DNAI1: variants seen among roughly 807,000 people sequenced by gnomAD.
DNAI1 encodes the protein dynein, axonemal, intermediate polypeptide 1.
In DNAI1, 67 loss-of-function variants were observed where a neutral mutation model predicts 92.0. The ratio of observed to expected loss-of-function variants is 0.73; its 90% CI spans 0.60 to 0.89. DNAI1 has a LOEUF of 0.89. Ranked by LOEUF, DNAI1 falls within the 40% of genes least tolerant of loss-of-function variation. The probability of loss-of-function intolerance (pLI) is 0.00; values close to 1 mark genes in which losing one functional copy is unlikely to be tolerated. For missense variants in DNAI1, 839 were observed against 866.6 expected (o/e 0.97, Z 0.40); for synonymous variants, 323 against 319.6 (o/e 1.01, Z -0.11).
intron 1 of DNAI1, among the ~76,000 whole-genome samples, chr9:34,468,636 G>A (rs1824083704): frequency 6.6e-6 from 1 of 151,702 alleles, no homozygotes; most frequent in South Asian, 2.1e-4. Flanking sequence ...GACCAACCTG[G>A]GCAACATAAA....
chr9:34,467,194 T>A (rs1824054296), intron 1 of DNAI1, among the ~76,000 whole-genome samples: 1 of 152,206 alleles, frequency 6.6e-6, no homozygotes, highest in South Asian at 2.1e-4. Flanking sequence ...TTTCTTCTAG[T>A]CCAATGCTTT....
In DNAI1 at chr9:34,517,364, C is replaced by A. The variant is rs1327893131; in HGVS notation, c.1898C>A (p.Thr633Asn). The change falls in exon 19 of 20, where the codon ACC becomes AAC. Residue 633 changes from threonine (T) to asparagine (N), a missense_variant. By Grantham distance (65) the Thr-to-Asn change is moderately conservative. Coordinates refer to ENST00000242317, the MANE Select transcript of DNAI1 (RefSeq NM_012144.4). The part of the protein sequence containing the change: ...QPVAAKKNRL[T>N]HVQFNLIHPI... Reference sequence around the variant, plus strand: ...GTGGCGGCCAAAAAGAACAGGCTCACCCACGTGCAGTTCAATCTCATCCAC... The same window carrying A: ...GTGGCGGCCAAAAAGAACAGGCTCAACCACGTGCAGTTCAATCTCATCCAC... The A allele has an allele frequency of 6.2e-7, 1 of 1,614,060 alleles. No individual in the cohort carries two copies. Among genetic ancestry groups the A allele is most frequent in the African/African-American group, 1.3e-5 (1 of 74,916 alleles).
At chr9:34,488,160 T>C (rs1437229168) in intron 4 of DNAI1, 1 of 261,656 alleles carries the variant, frequency 3.8e-6, no homozygotes, top group South Asian at 3.4e-5. Flanking sequence ...TTATTATTTT[T>C]AATACTTATA....
chr9:34,517,444 C>T lies in DNAI1; in HGVS notation c.1978C>T (p.Pro660Ser). 2 of 1,614,206 alleles carry T rather than the reference C, an allele frequency of 1.2e-6. No homozygotes were observed. The highest frequency in any genetic ancestry group is 2.2e-5 in the South Asian group (2 of 91,084). Reference protein sequence around the residue: ...RGHIISLKLSPNLRKMPKEKK... With the variant: ...RGHIISLKLSSNLRKMPKEKK... ...GCACATCATCAGCCTCAAGCTCTCA[C>T]CCAATTTGCGCAAGATGCCAAAGGT... Residue 660 changes from proline to serine, a missense_variant, in exon 19 of 20, where the codon CCC becomes TCC. Physicochemically the swap from Pro to Ser is moderately conservative, Grantham distance 74. Transcript: ENST00000242317.
chr9:34,511,083 C>T (rs537482816), intron 13 of DNAI1, among the ~76,000 whole-genome samples: 159 of 152,352 alleles, frequency 1.0e-3, no homozygotes, highest in Non-Finnish European at 1.9e-3. Flanking sequence ...CTTGGCCTCC[C>T]TCACTGGTCC....
chr9:34,488,149 TTTA>T (rs1289166166), intron 4 of DNAI1: 4 of 281,410 alleles, frequency 1.4e-5, no homozygotes, highest in South Asian at 3.0e-5. Flanking sequence ...ATAGGTTGTT[TTTA>T]TTATTTTTAA....
At chr9:34,476,422 T>G (rs1464676504) in intron 1 of DNAI1, among the ~76,000 whole-genome samples, 1 of 152,208 alleles carries the variant, frequency 6.6e-6, no homozygotes, top group Non-Finnish European at 1.5e-5. Context: ...TCCTCAAGTG[T>G]TCCAGGACAG....
Position 34,484,977 on chromosome 9 carries a change from A to G in DNAI1, c.82-165A>G, listed in dbSNP as rs1196583663. The stretch of plus-strand genomic sequence containing the variant: ...TCCAGGCAATGAGAACTCTGGCCTG[A>G]GCAGTTCTTTTGGACTCTTTCATGA... On this transcript the variant is annotated intron_variant, in intron 2 of 19. Coordinates refer to ENST00000242317, the MANE Select transcript of DNAI1 (RefSeq NM_012144.4). The G allele has an allele frequency of 2.6e-5, 18 of 686,924 alleles. No homozygotes were observed. In the Admixed American group the frequency reaches 3.9e-4, roughly 15 times the overall value. The allele number at this position is 686,924 out of a possible 1,614,324, so 42.6% of individuals were successfully genotyped here.
intron 7 of DNAI1, 107 bp from the exon 8 acceptor site, chr9:34,491,388 A>G (rs1824587715): frequency 8.4e-7 from 1 of 1,191,532 alleles, no homozygotes; most frequent in African/African-American, 1.5e-5. Context: ...CTGTGTCCCA[A>G]ACCTCCATCA....
At chr9:34,497,801 G>T (rs1293823122) in intron 10 of DNAI1, among the ~76,000 whole-genome samples, 1 of 152,174 alleles carries the variant, frequency 6.6e-6, no homozygotes, top group Non-Finnish European at 1.5e-5. Context: ...CAGGGAGGAT[G>T]TTCTGGACAG....
In DNAI1 at chr9:34,458,821, C is replaced by T; in HGVS notation, c.-185C>T. On this transcript the variant is annotated 5_prime_UTR_variant, in exon 1 of 20. Transcript: ENST00000242317. The surrounding 1 kb of genome is among the most constrained non-coding windows in gnomAD (Gnocchi z 6.6). ...CTGCTGGTCGGTTGCTGGGTAACCG[C>T]GTCAGGGAGTTGGATTCTATCCTGC... The T allele has an allele frequency of 1.5e-6, 1 of 662,388 alleles. No individual in the cohort carries two copies. Among genetic ancestry groups the T allele is most frequent in the Non-Finnish European group, 2.8e-6 (1 of 361,042 alleles). 41.0% of individuals were successfully genotyped at this position (662,388 alleles called of 1,614,324 possible).
At chr9:34,472,124 A>T (rs965002521) in intron 1 of DNAI1, among the ~76,000 whole-genome samples, 1 of 152,242 alleles carries the variant, frequency 6.6e-6, no homozygotes, top group Non-Finnish European at 1.5e-5. Flanking sequence ...TGGAATAATA[A>T]AAATAATGAC....
chr9:34,503,479 G>A (rs1475574587), intron 12 of DNAI1, among the ~76,000 whole-genome samples: 1 of 152,188 alleles, frequency 6.6e-6, no homozygotes, highest in African/African-American at 2.4e-5. Flanking sequence ...GTGAGAATTT[G>A]GGTTTGTAGT....
chr9:34,470,144 C>T (rs1310997990), intron 1 of DNAI1, among the ~76,000 whole-genome samples: 7 of 151,734 alleles, frequency 4.6e-5, no homozygotes, highest in African/African-American at 1.7e-4. Flanking sequence ...CACACATGCA[C>T]AAAATACAAA....
intron 9 of DNAI1, 99 bp from the exon 10 acceptor site, chr9:34,497,016 G>C (rs560294157): frequency 1.3e-4 from 121 of 907,040 alleles, no homozygotes; most frequent in Non-Finnish European, 1.3e-4. Flanking sequence ...TAGTGCCAGA[G>C]AGCTACTGCT....
chr9:34,475,256 AC>A (rs1824216250), intron 1 of DNAI1, among the ~76,000 whole-genome samples: 1 of 152,098 alleles, frequency 6.6e-6, no homozygotes, highest in Non-Finnish European at 1.5e-5. Flanking sequence ...CTTAATGGAA[AC>A]CTGTTAGTGA....
At chr9:34,513,954 C>G (rs1173663270) in intron 16 of DNAI1, among the ~76,000 whole-genome samples, 3 of 152,180 alleles carry the variant, frequency 2.0e-5, no homozygotes, top group Non-Finnish European at 4.4e-5. Context: ...CTTGCCTGGA[C>G]AAGGTGGGAT....
intron 9 of DNAI1, among the ~76,000 whole-genome samples, chr9:34,494,022 G>A (rs144180802): frequency 1.2e-4 from 18 of 152,276 alleles, no homozygotes; most frequent in African/African-American, 4.1e-4. Flanking sequence ...GGCCACATTT[G>A]TCCCTTTAAC....
intron 9 of DNAI1, among the ~76,000 whole-genome samples, chr9:34,495,899 A>T (rs748207358): frequency 2.0e-5 from 3 of 151,928 alleles, no homozygotes; most frequent in Non-Finnish European, 4.4e-5. Context: ...TGACTGCAAG[A>T]CTCCAGTGAA....
Sources: gnomAD v4.1 joint callset for allele counts (sites outside exome capture counted in the v4.1 genomes callset) on GRCh38, gnomAD v4.1.1 for gene constraint, Gnocchi (gnomAD v3.1) non-coding constraint, MANE v1.5 for transcripts, NCBI Gene and HGNC (gene_info 2026-07-23, HGNC 2026-07-21) for gene names.